Variants in MACF1 observed in about 807,000 individuals in gnomAD.
The protein encoded by MACF1 is microtubule-actin cross-linking factor 1.
In MACF1, 193 loss-of-function variants were observed where a neutral mutation model predicts 854.8. The observed-to-expected ratio is 0.23, with a 90% confidence interval of 0.20 to 0.25. The LOEUF is 0.25. Among genes scored for constraint, MACF1 ranks in the 10% least tolerant of loss-of-function variants. MACF1 has a pLI of 1.00. For missense variants in MACF1, 7,722 were observed against 8,929.1 expected, an observed-to-expected ratio of 0.86 and a Z score of 5.45; for synonymous variants, 3,185 against 3,226.7, an observed-to-expected ratio of 0.99 and a Z score of 0.44.
intron 58 of MACF1, among the ~76,000 whole-genome samples, chr1:39,389,119 G>A (rs1288943405): frequency 3.3e-5 from 5 of 150,902 alleles, no homozygotes; most frequent in African/African-American, 9.7e-5. Flanking sequence ...CAGGCAATCC[G>A]CCCACCTCAG....
chr1:39,363,375 G>T (rs1648373759), intron 49 of MACF1, among the ~76,000 whole-genome samples: 1 of 151,938 alleles, frequency 6.6e-6, no homozygotes, highest in African/African-American at 2.4e-5. Flanking sequence ...CACATTTCAG[G>T]TTTATTTTTT....
chr1:39,459,946 AG>A, intron 91 of MACF1: 1 of 706,408 alleles, frequency 1.4e-6, no homozygotes, highest in Non-Finnish European at 2.2e-6. Flanking sequence ...TGAAAGACCA[AG>A]GGGAAACTGC....
chr1:39,322,512 C>G, intron 31 of MACF1, 96 bp from the exon 32 acceptor site: 1 of 1,104,512 alleles, frequency 9.1e-7, no homozygotes, highest in East Asian at 2.4e-5. Flanking sequence ...GAGTGGTCAC[C>G]AAAACGCTTC....
At chr1:39,361,723 G>A in intron 49 of MACF1, 46 bp downstream of exon 49, 1 of 1,587,394 alleles carries the variant, frequency 6.3e-7, no homozygotes, top group East Asian at 2.2e-5. Flanking sequence ...GAAGAGAAGG[G>A]CAGGGAGAGA....
At chr1:39,479,273 G>T (rs1383267342) in intron 97 of MACF1, among the ~76,000 whole-genome samples, 1 of 152,012 alleles carries the variant, frequency 6.6e-6, no homozygotes, top group Non-Finnish European at 1.5e-5. Context: ...ATTCTCTCCT[G>T]ATCTTTTTAC....
intron 56 of MACF1, 146 bp downstream of exon 56, chr1:39,382,298 C>A (rs1650293615): frequency 4.2e-6 from 3 of 718,762 alleles, no homozygotes; most frequent in Admixed American, 5.6e-5. Flanking sequence ...AGGTGTTAAT[C>A]ATGGTGCCTG....
intron 66 of MACF1, 149 bp downstream of exon 66, chr1:39,431,057 A>G: frequency 2.5e-6 from 2 of 814,216 alleles, no homozygotes; most frequent in Non-Finnish European, 4.0e-6. Flanking sequence ...ATGGGAAATG[A>G]TTGGGTAGAA....
intron 1 of MACF1, among the ~76,000 whole-genome samples, chr1:39,206,044 T>C (rs983267860): frequency 1.3e-5 from 2 of 152,218 alleles, no homozygotes; most frequent in African/African-American, 4.8e-5. Context: ...ACACTTTTTA[T>C]AGTGTATCTT....
intron 58 of MACF1, among the ~76,000 whole-genome samples, chr1:39,396,427 G>A (rs368571214): frequency 2.6e-5 from 4 of 152,200 alleles, no homozygotes; most frequent in African/African-American, 9.6e-5. Context: ...TCAGTATGTA[G>A]CATTCACAAC....
At chr1:39,135,281 C>G (rs1643135709) in intron 2 of MACF1, among the ~76,000 whole-genome samples, 1 of 152,104 alleles carries the variant, frequency 6.6e-6, no homozygotes, top group Admixed American at 6.6e-5. Context: ...GCGTCTTGCT[C>G]TGTTGCCCAG....
At chr1:39,322,445 A>G (rs1328166113) in intron 31 of MACF1, among the ~76,000 whole-genome samples, 163 bp from the exon 32 acceptor site, 3 of 152,238 alleles carry the variant, frequency 2.0e-5, no homozygotes, top group Non-Finnish European at 2.9e-5. Context: ...GAGAGATAGT[A>G]TGGCCTGATA....
At chr1:39,156,541 C>A (rs1176900787) in intron 2 of MACF1, among the ~76,000 whole-genome samples, 2 of 152,074 alleles carry the variant, frequency 1.3e-5, no homozygotes, top group Non-Finnish European at 2.9e-5. Context: ...ATCGCTTGAG[C>A]CTGGGAGGTC....
chr1:39,288,270 G>A (rs1433340458), intron 15 of MACF1, among the ~76,000 whole-genome samples: 2 of 152,106 alleles, frequency 1.3e-5, no homozygotes, highest in Admixed American at 6.6e-5. Context: ...AGGCCTAGGC[G>A]GGTGGATCAC....
At chr1:39,294,221 G>A (rs746949834) in intron 18 of MACF1, among the ~76,000 whole-genome samples, 16 of 152,086 alleles carry the variant, frequency 1.1e-4, no homozygotes, top group Non-Finnish European at 2.4e-4. Flanking sequence ...TGTAAAAATG[G>A]GAAGGGAAAT....
intron 1 of MACF1, among the ~76,000 whole-genome samples, chr1:39,216,965 C>T (rs867107233): frequency 1.3e-5 from 2 of 152,256 alleles, no homozygotes; most frequent in Admixed American, 1.3e-4. Context: ...CCTACTCCAC[C>T]ACTTAACAAC....
chr1:39,388,168 G>A lies in MACF1; in HGVS notation c.15326G>A (p.Ser5109Asn). 1.2e-6 allele frequency: 2 copies of A among 1,614,196 alleles called. No individual in the cohort carries two copies. Among genetic ancestry groups the A allele is most frequent in the South Asian group, 2.2e-5 (2 of 91,084 alleles). Residue 5109 changes from serine to asparagine, a missense_variant, in exon 58 of 101, where the codon AGT becomes AAT. By Grantham distance (46) the Ser-to-Asn change is conservative. Transcript: ENST00000564288. ...EFLEVKQRVN[S>N]GCVMMENKLE... Reference sequence around the variant, plus strand: ...CTCGAAGTTAAGCAAAGAGTGAACAGTGGTTGTGTGATGATGGAAAACAAG... The same window carrying A: ...CTCGAAGTTAAGCAAAGAGTGAACAATGGTTGTGTGATGATGGAAAACAAG...
chr1:39,105,293 G>T lies in MACF1; in HGVS notation c.220+20855G>T, dbSNP rs1435092377. 4.3e-5 allele frequency: 25 copies of T among 580,890 alleles called. No homozygotes were observed. The highest frequency in any genetic ancestry group is 5.0e-5 in the Non-Finnish European group (23 of 460,974). The allele number at this position is 580,890 out of a possible 1,614,324, so 36.0% of individuals were successfully genotyped here. A position where few individuals can be genotyped will look rare whatever the true frequency, so the allele number is the denominator to read the frequency against. On this transcript the variant is annotated intron_variant, in intron 2 of 93. Coordinates refer to the MACF1 transcript ENST00000361689. The surrounding 1 kb of genome is among the most constrained non-coding windows in gnomAD (Gnocchi z 5.9). ...CGGCGGGGAGAGGGGGCGGGGAACG[G>T]GCCGGGCCTGGCGCTCCTGACAGGA... is the stretch of plus-strand genomic sequence containing the variant.
chr1:39,360,177 A>G (rs7540721), intron 47 of MACF1, among the ~76,000 whole-genome samples: 10,100 of 150,570 alleles, frequency 0.067, 880 homozygotes, highest in African/African-American at 0.21. Flanking sequence ...AATGATAAGT[A>G]TGTGAGGTAA....
Position 39,388,380 on chromosome 1 carries a change from G to A in MACF1, c.15538G>A (p.Glu5180Lys). 1 of 1,614,190 alleles carries A rather than the reference G, an allele frequency of 6.2e-7. No individual in the cohort carries two copies. The highest frequency in any genetic ancestry group is 1.3e-5 in the African/African-American group (1 of 75,056). The part of the protein sequence containing the change: ...HVLKLDIEAS[E>K]AECRHMLEEE... ...CCTCAAATTAGACATAGAGGCCTCT[G>A]AAGCAGAGTGTCGACATATGCTAGA... is the stretch of plus-strand genomic sequence containing the variant. The change falls in exon 58 of 101, where the codon GAA (glutamate) becomes AAA (lysine). Residue 5180 changes from glutamate to lysine, a missense_variant. This residue lies in a region of MACF1 where 2,807 missense variants were observed against 3,235.8 expected (regional missense o/e 0.87). Coordinates refer to ENST00000564288, the MANE Select transcript of MACF1 (RefSeq NM_001394062.1).
Sources: gnomAD v4.1 joint callset for allele counts (sites outside exome capture counted in the v4.1 genomes callset) on GRCh38, gnomAD v4.1.1 for gene constraint, gnomAD v4.1.1 regional missense constraint, Gnocchi (gnomAD v3.1) non-coding constraint, MANE v1.5 for transcripts, NCBI Gene and HGNC (gene_info 2026-07-23, HGNC 2026-07-21) for gene names.